The following KCNK15 variants were observed in gnomAD, a reference collection of about 807,000 sequenced individuals.
KCNK15 encodes the protein potassium channel subfamily K member 15.
Under a neutral mutation model 8.5 loss-of-function variants are expected in KCNK15, and 9 were observed. That is an observed-to-expected ratio of 1.06 (90% CI 0.64 to 1.85). KCNK15 has a LOEUF of 1.85. Ranked by LOEUF, KCNK15 falls within the 40% of genes most tolerant of loss-of-function variation. The pLI is 0.00. For missense variants in KCNK15, 467 were observed against 476.8 expected, an observed-to-expected ratio of 0.98 and a Z score of 0.19; for synonymous variants, 224 against 232.7, an observed-to-expected ratio of 0.96 and a Z score of 0.34.
chr20:44,748,260 C>T (rs2066015633), intron 1 of KCNK15, among the ~76,000 whole-genome samples: 1 of 152,094 alleles, frequency 6.6e-6, no homozygotes. Flanking sequence ...ACGTCAGGCT[C>T]TGTGCAGGAC....
rs2066027822 is a variant in KCNK15 at position 44,750,749 on chromosome 20, G to A, written c.904G>A (p.Asp302Asn). 5 of 1,507,264 alleles carry A rather than the reference G, an allele frequency of 3.3e-6. No individual in the cohort carries two copies. Among genetic ancestry groups the A allele is most frequent in the South Asian group, 2.4e-5 (2 of 81,866 alleles). The allele number at this position is 1,507,264 out of a possible 1,614,324, so 93.4% of individuals were successfully genotyped here. The change falls in exon 2 of 2, where the codon GAC (aspartate) becomes AAC (asparagine). Residue 302 changes from aspartate to asparagine, a missense_variant. By Grantham distance (23) the Asp-to-Asn change is conservative (BLOSUM62 1). Coordinates refer to ENST00000372861, the MANE Select transcript of KCNK15 (RefSeq NM_022358.4). ...HVHKLERCAR[D>N]NLGFSPPSSP... ...GCACAAGCTGGAGAGGTGCGCCCGCGACAACCTGGGCTTTTCGCCCCCCTC... is the reference window on the plus strand; with the variant it reads ...GCACAAGCTGGAGAGGTGCGCCCGCAACAACCTGGGCTTTTCGCCCCCCTC...
At chr20:44,746,349 G>A (rs985135666) in intron 1 of KCNK15, among the ~76,000 whole-genome samples, 156 bp downstream of exon 1, 1 of 152,098 alleles carries the variant, frequency 6.6e-6, no homozygotes, top group Non-Finnish European at 1.5e-5. Context: ...CGCCTCCCTC[G>A]TCTCCCTGGT....
chr20:44,750,523 C>A lies in KCNK15; in HGVS notation c.678C>A (p.Leu226=). 6.2e-7 allele frequency: 1 copy of A among 1,612,998 alleles called. No individual in the cohort carries two copies. Among genetic ancestry groups the A allele is most frequent in the Non-Finnish European group, 8.5e-7 (1 of 1,179,524 alleles). ...RKLPYVAFSF[L]YILLGLTVIG... ...TCCCCTACGTGGCCTTCAGCTTCCT[C>A]TACATCCTCCTGGGGCTCACGGTCA... The change falls in exon 2 of 2, where the codon CTC becomes CTA. Residue 226 remains leucine, a synonymous_variant. Coordinates refer to ENST00000372861, the MANE Select transcript of KCNK15 (RefSeq NM_022358.4).
intron 1 of KCNK15, among the ~76,000 whole-genome samples, chr20:44,749,435 C>T (rs919016150): frequency 2.2e-4 from 33 of 152,014 alleles, no homozygotes; most frequent in East Asian, 3.9e-4. Context: ...GTGTTCAGTG[C>T]GGGCAGGCTG....
rs1008686515 is a variant in KCNK15 at position 44,750,068 on chromosome 20, C to T, written c.284-61C>T. Reference sequence around the variant, plus strand: ...ACACGCCGGGCAGGCAGGCTGCGGGCGGGACTGTTGTCAGCTGGAGCTGGG... The same window carrying T: ...ACACGCCGGGCAGGCAGGCTGCGGGTGGGACTGTTGTCAGCTGGAGCTGGG... On this transcript the variant is annotated intron_variant, in intron 1 of 1. Coordinates refer to ENST00000372861, the MANE Select transcript of KCNK15 (RefSeq NM_022358.4). 3.4e-6 allele frequency: 5 copies of T among 1,473,358 alleles called. No homozygotes were observed. The South Asian group carries it at 3.9e-5, about 11-fold the overall frequency. The allele number at this position is 1,473,358 out of a possible 1,614,324, so 91.3% of individuals were successfully genotyped here.
chr20:44,750,305 G>A lies in KCNK15; in HGVS notation c.460G>A (p.Val154Met). Residue 154 changes from valine (V) to methionine (M), a missense_variant, in exon 2 of 2, where the codon GTG (valine) becomes ATG (methionine). Val to Met is a conservative substitution (Grantham distance 21). This residue lies in a region of KCNK15 where 455 missense variants were observed against 441.2 expected (regional missense o/e 1.03). Transcript: ENST00000372861. ...KCCLGLRWTC[V>M]STENLVVAGL... ...CTGCCTGGGCCTGCGGTGGACGTGCGTGTCCACGGAGAACCTGGTGGTGGC... is the reference window on the plus strand; with the variant it reads ...CTGCCTGGGCCTGCGGTGGACGTGCATGTCCACGGAGAACCTGGTGGTGGC... 6.2e-7 allele frequency: 1 copy of A among 1,607,432 alleles called. No individual in the cohort carries two copies. Among genetic ancestry groups the A allele is most frequent in the Non-Finnish European group, 8.5e-7 (1 of 1,177,780 alleles).
chr20:44,751,418 A>AGC lies in KCNK15; in HGVS notation c.*581_*582dup, dbSNP rs1299836821. 6.6e-6 allele frequency: 1 copy of AGC among 152,248 alleles called. No individual in the cohort carries two copies. The highest frequency in any genetic ancestry group is 1.5e-5 in the Non-Finnish European group (1 of 68,084). 9.4% of individuals were successfully genotyped at this position (152,248 alleles called of 1,614,324 possible). On this transcript the variant is annotated 3_prime_UTR_variant, in exon 2 of 2. Coordinates refer to ENST00000372861, the MANE Select transcript of KCNK15 (RefSeq NM_022358.4). The stretch of plus-strand genomic sequence containing the variant: ...GAATGATGGCCTCTTTCCCCCAGAC[A>AGC]GCTGATGCTCTTTGTCCCTGGCCAG...
Position 44,750,733 on chromosome 20 carries a change from G to T in KCNK15, c.888G>T (p.Leu296=). 1 of 1,503,238 alleles carries T rather than the reference G, an allele frequency of 6.7e-7. No individual in the cohort carries two copies. The highest frequency in any genetic ancestry group is 2.1e-5 in the Admixed American group (1 of 47,806). The allele number at this position is 1,503,238 out of a possible 1,614,324, so 93.1% of individuals were successfully genotyped here. Residue 296 remains leucine (L), a synonymous_variant, in exon 2 of 2, where the codon CTG becomes CTT. Coordinates refer to ENST00000372861, the MANE Select transcript of KCNK15 (RefSeq NM_022358.4). ...SASVFCHVHK[L]ERCARDNLGF... The stretch of plus-strand genomic sequence containing the variant: ...CTGTCTTCTGCCACGTGCACAAGCT[G>T]GAGAGGTGCGCCCGCGACAACCTGG...
At position 44,751,486 on chromosome 20, in the gene KCNK15, C is replaced by T. The variant is rs1331760631; in HGVS notation, c.*648C>T. The T allele has an allele frequency of 6.6e-6, 1 of 152,242 alleles. No individual in the cohort carries two copies. Among genetic ancestry groups the T allele is most frequent in the East Asian group, 1.9e-4 (1 of 5,198 alleles). The allele number at this position is 152,242 out of a possible 1,614,324, so 9.4% of individuals were successfully genotyped here. ...GGAGGCCTTGCTGTCACCCACCCAC[C>T]ATGTCACTGGGGCCACTTGGACACA... On this transcript the variant is annotated 3_prime_UTR_variant, in exon 2 of 2. Coordinates refer to ENST00000372861, the MANE Select transcript of KCNK15 (RefSeq NM_022358.4).
intron 1 of KCNK15, 128 bp downstream of exon 1, chr20:44,746,321 AGCCTCCCTCATCTCCTTC>A (rs769022542): frequency 1.2e-4 from 100 of 821,408 alleles, no homozygotes; most frequent in Non-Finnish European, 1.3e-4. Context: ...CGGCTCACCG[AGCCTCCCTCATCTCCTTC>A]GCCTCCCTCG....
At position 44,745,880 on chromosome 20, in the gene KCNK15, G is replaced by A; in HGVS notation, c.-31G>A. 1.6e-6 allele frequency: 2 copies of A among 1,277,776 alleles called. No individual in the cohort carries two copies. Among genetic ancestry groups the A allele is most frequent in the Non-Finnish European group, 2.0e-6 (2 of 1,011,060 alleles). The allele number at this position is 1,277,776 out of a possible 1,614,324, so 79.2% of individuals were successfully genotyped here. Reference sequence around the variant, plus strand: ...CGGTCCGGGCACACGGAGCAGGTTGGGACCGCGGCGGGTACCGGGGCCGGG... The same window carrying A: ...CGGTCCGGGCACACGGAGCAGGTTGAGACCGCGGCGGGTACCGGGGCCGGG... On this transcript the variant is annotated 5_prime_UTR_variant, in exon 1 of 2. Transcript: ENST00000372861.
chr20:44,745,997 C>CGACGCT lies in KCNK15; in HGVS notation c.89_90insCGCTGA (p.Leu29_Glu30insAspAla). On this transcript the variant is annotated inframe_insertion, in exon 1 of 2. Coordinates refer to ENST00000372861, the MANE Select transcript of KCNK15 (RefSeq NM_022358.4). ...TGGGCGCTGCTGTCTTCGACGCGCT[C>CGACGCT]GAGTCCGAGGCGGAAAGCGGCCGCC... The CGACGCT allele has an allele frequency of 6.5e-7, 1 of 1,528,482 alleles. No individual in the cohort carries two copies. 94.7% of individuals were successfully genotyped at this position (1,528,482 alleles called of 1,614,324 possible). A position where few individuals can be genotyped will look rare whatever the true frequency, so the allele number is the denominator to read the frequency against.
chr20:44,746,170 C>T lies in KCNK15; in HGVS notation c.260C>T (p.Ala87Val). The change falls in exon 1 of 2, where the codon GCC becomes GTC. Residue 87 changes from alanine to valine, a missense_variant. This residue lies in a region of KCNK15 where 455 missense variants were observed against 441.2 expected (regional missense o/e 1.03). Transcript: ENST00000372861. The stretch of plus-strand genomic sequence containing the variant: ...AAGTTCCCCGGCTCCTTCTACTTCG[C>T]CATCACCGTCATCACTACCATCGGT... The part of the protein sequence containing the change: ...QWKFPGSFYF[A>V]ITVITTIEYG... 7.1e-7 allele frequency: 1 copy of T among 1,411,732 alleles called. No homozygotes were observed. Among genetic ancestry groups the T allele is most frequent in the East Asian group, 2.8e-5 (1 of 36,114 alleles). The allele number at this position is 1,411,732 out of a possible 1,614,324, so 87.5% of individuals were successfully genotyped here.
At chr20:44,748,938 C>T (rs1011639389) in intron 1 of KCNK15, among the ~76,000 whole-genome samples, 4 of 152,174 alleles carry the variant, frequency 2.6e-5, no homozygotes, top group East Asian at 3.9e-4. Flanking sequence ...AAACCACCCT[C>T]GATTGAGAAC....
rs926850102 is a variant in KCNK15, at chr20:44,751,938, G to A, written c.*1100G>A. ...AAGGCCTGGGCGGCTGCTGCTCCAA[G>A]AGAGGGAATGAGGGAAAGGTGGGTG... On this transcript the variant is annotated 3_prime_UTR_variant, in exon 2 of 2. Coordinates refer to ENST00000372861, the MANE Select transcript of KCNK15 (RefSeq NM_022358.4). The A allele has an allele frequency of 6.6e-6, 1 of 152,294 alleles. No homozygotes were observed. The highest frequency in any genetic ancestry group is 2.4e-5 in the African/African-American group (1 of 41,454). The allele number at this position is 152,294 out of a possible 1,614,324, so 9.4% of individuals were successfully genotyped here.
intron 1 of KCNK15, among the ~76,000 whole-genome samples, chr20:44,749,124 C>T (rs918951481): frequency 1.3e-5 from 2 of 152,204 alleles, no homozygotes; most frequent in Non-Finnish European, 2.9e-5. Context: ...AACTTCCTAA[C>T]TGTGGAACTA....
In KCNK15 at chr20:44,750,586, C is replaced by G. The variant is rs1173419473; in HGVS notation, c.741C>G (p.Leu247=). Residue 247 remains leucine, a synonymous_variant, in exon 2 of 2, where the codon CTC becomes CTG. Coordinates refer to ENST00000372861, the MANE Select transcript of KCNK15 (RefSeq NM_022358.4). ...AFLNLVVLRF[L]VASADWPERA... ...TCAACCTGGTGGTCCTGCGCTTCCT[C>G]GTTGCCAGCGCCGACTGGCCCGAGC... 6.3e-7 allele frequency: 1 copy of G among 1,589,364 alleles called. No individual in the cohort carries two copies. Among genetic ancestry groups the G allele is most frequent in the Non-Finnish European group, 8.6e-7 (1 of 1,164,220 alleles).
intron 1 of KCNK15, among the ~76,000 whole-genome samples, chr20:44,747,936 T>C (rs2066014351): frequency 6.6e-6 from 1 of 152,200 alleles, no homozygotes; most frequent in Non-Finnish European, 1.5e-5. Context: ...TGGAGGGTGC[T>C]GGTTAATAGC....
intron 1 of KCNK15, among the ~76,000 whole-genome samples, chr20:44,749,688 C>T (rs1269967400): frequency 6.6e-6 from 1 of 152,142 alleles, no homozygotes; most frequent in African/African-American, 2.4e-5. Flanking sequence ...TTCTACCATG[C>T]CTTCTGTAGT....
Sources: gnomAD v4.1 joint callset for allele counts (sites outside exome capture counted in the v4.1 genomes callset) on GRCh38, gnomAD v4.1.1 for gene constraint, gnomAD v4.1.1 regional missense constraint, MANE v1.5 for transcripts, NCBI Gene and HGNC (gene_info 2026-07-23, HGNC 2026-07-21) for gene names.